EIF2S2: variants seen among roughly 807,000 people sequenced by gnomAD.
EIF2S2 encodes the protein eukaryotic translation initiation factor 2 subunit 2.
A neutral mutation model predicts 44.0 loss-of-function variants in EIF2S2; 4 were observed. That is an observed-to-expected ratio of 0.09 (90% confidence interval 0.04 to 0.21). EIF2S2 has a LOEUF of 0.21. Among genes scored for constraint, EIF2S2 ranks in the 10% least tolerant of loss-of-function variants. The pLI, the probability that EIF2S2 is intolerant of heterozygous loss-of-function variation, is 1.00. For synonymous variants in EIF2S2, 108 were observed against 128.3 expected (o/e 0.84, Z 1.07); for missense variants, 154 against 392.0 (o/e 0.39, Z 5.13).
At position 34,098,479 on chromosome 20, in the gene EIF2S2, G is replaced by C; in HGVS notation, c.433+19C>G. 1 of 1,611,682 alleles carries C rather than the reference G, an allele frequency of 6.2e-7. No individual in the cohort carries two copies. The highest frequency in any genetic ancestry group is 8.5e-7 in the Non-Finnish European group (1 of 1,179,462). ...GGCTTGAGTAACCTCTAAATGTGCT[G>C]CTGAGTCCTCAGCATTACCTTCATC... On this transcript the variant is annotated intron_variant, in intron 4 of 8. Transcript: ENST00000374980.
intron 8 of EIF2S2, among the ~76,000 whole-genome samples, 200 bp downstream of exon 8, chr20:34,090,317 T>C (rs1278824384): frequency 6.6e-6 from 1 of 152,240 alleles, no homozygotes; most frequent in African/African-American, 2.4e-5. Context: ...TCAGCTGGGC[T>C]TTCTTTAAAA....
chr20:34,098,435 CAAG>C (rs2034257183), intron 4 of EIF2S2, 60 bp downstream of exon 4: 1 of 1,587,644 alleles, frequency 6.3e-7, no homozygotes, highest in Non-Finnish European at 8.6e-7. Context: ...CCACCCCCAT[CAAG>C]GAGACCAGGG....
intron 2 of EIF2S2, among the ~76,000 whole-genome samples, chr20:34,104,782 A>T (rs1168684014): frequency 6.6e-6 from 1 of 152,232 alleles, no homozygotes; most frequent in Non-Finnish European, 1.5e-5. Context: ...GGAATGAGTT[A>T]CTTTCCAAAT....
At chr20:34,096,447 A>C (rs2034229850) in intron 6 of EIF2S2, among the ~76,000 whole-genome samples, 1 of 152,216 alleles carries the variant, frequency 6.6e-6, no homozygotes, top group Non-Finnish European at 1.5e-5. Flanking sequence ...CCTGGGCGAC[A>C]AAGCAAGACC....
At position 34,089,016 on chromosome 20, in the gene EIF2S2, C is replaced by T. The variant is rs1311381186; in HGVS notation, c.*714G>A. 2 of 152,540 alleles carry T rather than the reference C, an allele frequency of 1.3e-5. No individual in the cohort carries two copies. The highest frequency in any genetic ancestry group is 2.9e-5 in the Non-Finnish European group (2 of 68,038). 9.4% of individuals were successfully genotyped at this position (152,540 alleles called of 1,614,324 possible). ...AGGATCTTTTTTAGTGTGCCAGTTACAAGACACATTTACAGGCTATGTTTC... is the reference window on the plus strand; with the variant it reads ...AGGATCTTTTTTAGTGTGCCAGTTATAAGACACATTTACAGGCTATGTTTC... On this transcript the variant is annotated 3_prime_UTR_variant, in exon 9 of 9. Coordinates refer to ENST00000374980, the MANE Select transcript of EIF2S2 (RefSeq NM_003908.5).
At chr20:34,107,031 A>C (rs1469359649) in intron 1 of EIF2S2, among the ~76,000 whole-genome samples, 1 of 152,134 alleles carries the variant, frequency 6.6e-6, no homozygotes, top group Non-Finnish European at 1.5e-5. Flanking sequence ...AATACAAAAA[A>C]TTAGCAGAAG....
At chr20:34,105,681 C>T (rs773616652) in intron 1 of EIF2S2, 136 bp from the exon 2 acceptor site, 13 of 807,344 alleles carry the variant, frequency 1.6e-5, no homozygotes, top group Non-Finnish European at 2.2e-5. Flanking sequence ...GGGGAGTTTA[C>T]CAAAAAATAA....
In EIF2S2 at chr20:34,089,724, A is replaced by G. The variant is rs2034141430; in HGVS notation, c.*6T>C. 6.2e-7 allele frequency: 1 copy of G among 1,604,882 alleles called. No individual in the cohort carries two copies. Among genetic ancestry groups the G allele is most frequent in the Non-Finnish European group, 8.5e-7 (1 of 1,175,666 alleles). On this transcript the variant is annotated 3_prime_UTR_variant, in exon 9 of 9. Transcript: ENST00000374980. ...AACAAGCTTTGCAAAATCAGTGATT[A>G]GCAAATTAGTTAGCTTTGGCACGGA... is the stretch of plus-strand genomic sequence containing the variant.
At chr20:34,103,772 T>C (rs562712535) in intron 2 of EIF2S2, among the ~76,000 whole-genome samples, 1 of 151,898 alleles carries the variant, frequency 6.6e-6, no homozygotes, top group East Asian at 1.9e-4. Flanking sequence ...AGTGGCGCAA[T>C]CTCAGCTCAC....
chr20:34,109,806 A>C lies in EIF2S2; in HGVS notation c.15+2290T>G, dbSNP rs547275296. Among the ~76,000 whole-genome samples the C allele has an allele frequency of 7.9e-5, 12 of 152,142 alleles. No homozygotes were observed. The South Asian group carries it at 8.3e-4, about 11-fold the overall frequency. ...ATTTCAATTATACATCAAGAAAAAA[A>C]AAAAACAAAAACAGAAGGCTGGGCA... On this transcript the variant is annotated intron_variant, in intron 1 of 8. Coordinates refer to ENST00000374980, the MANE Select transcript of EIF2S2 (RefSeq NM_003908.5).
intron 7 of EIF2S2, among the ~76,000 whole-genome samples, chr20:34,091,863 G>C (rs1170542530): frequency 6.6e-6 from 1 of 151,158 alleles, no homozygotes; most frequent in Non-Finnish European, 1.5e-5. Flanking sequence ...GTCCGAGTGG[G>C]ACTCTCCTGG....
chr20:34,088,600 AGCT>A lies in EIF2S2; in HGVS notation c.*1127_*1129del, dbSNP rs1263704144. 6.6e-6 allele frequency: 1 copy of A among 152,664 alleles called. No individual in the cohort carries two copies. The highest frequency in any genetic ancestry group is 1.5e-5 in the Non-Finnish European group (1 of 68,066). The allele number at this position is 152,664 out of a possible 1,614,324, so 9.5% of individuals were successfully genotyped here. On this transcript the variant is annotated 3_prime_UTR_variant, in exon 9 of 9. Coordinates refer to ENST00000374980, the MANE Select transcript of EIF2S2 (RefSeq NM_003908.5). ...ATTTGGGTCTGAGTGACTGCTCCTGAGCTGCTTAGTACGAAGTCGGGCAACAAG... is the reference window on the plus strand; with the variant it reads ...ATTTGGGTCTGAGTGACTGCTCCTGAGCTTAGTACGAAGTCGGGCAACAAG...
intron 7 of EIF2S2, 36 bp from the exon 8 acceptor site, chr20:34,090,638 G>GT (rs534420591): frequency 1.4e-4 from 182 of 1,332,888 alleles, no homozygotes; most frequent in Non-Finnish European, 1.8e-4. Flanking sequence ...CATTATTATT[G>GT]TTTTTTCCTA....
chr20:34,089,927 G>A, intron 8 of EIF2S2, 22 bp from the exon 9 acceptor site: 1 of 1,612,040 alleles, frequency 6.2e-7, no homozygotes, highest in Admixed American at 1.7e-5. Context: ...GCAACACACA[G>A]AATTACCTGG....
At chr20:34,110,469 T>C (rs6087557) in intron 1 of EIF2S2, among the ~76,000 whole-genome samples, 94,103 of 152,082 alleles carry the variant, frequency 0.62, 30,508 homozygotes, top group South Asian at 0.85. Flanking sequence ...CCCTCGGCCC[T>C]GGTTTCCTGT....
At chr20:34,091,001 A>G (rs1313849612) in intron 7 of EIF2S2, among the ~76,000 whole-genome samples, 13 of 151,982 alleles carry the variant, frequency 8.6e-5, no homozygotes, top group African/African-American at 1.5e-4. Flanking sequence ...TCCTCCCACT[A>G]TGGCCTCCCA....
At chr20:34,090,742 T>C in intron 7 of EIF2S2, 140 bp from the exon 8 acceptor site, 1 of 467,098 alleles carries the variant, frequency 2.1e-6, no homozygotes, top group East Asian at 3.6e-5. Context: ...TACTACTTGG[T>C]TTCCCAAAAT....
At chr20:34,098,716 G>C (rs1405064630) in intron 3 of EIF2S2, 83 bp from the exon 4 acceptor site, 15 of 1,482,008 alleles carry the variant, frequency 1.0e-5, no homozygotes, top group Non-Finnish European at 1.4e-5. Context: ...GTTGAGATGA[G>C]GAGGTCTTGC....
In EIF2S2 at chr20:34,112,167, C is replaced by T; in HGVS notation, c.-57G>A. 6.7e-7 allele frequency: 1 copy of T among 1,498,716 alleles called. No homozygotes were observed. Among genetic ancestry groups the T allele is most frequent in the Non-Finnish European group, 9.0e-7 (1 of 1,115,232 alleles). The allele number at this position is 1,498,716 out of a possible 1,614,324, so 92.8% of individuals were successfully genotyped here. A position where few individuals can be genotyped will look rare whatever the true frequency, so the allele number is the denominator to read the frequency against. On this transcript the variant is annotated 5_prime_UTR_variant, in exon 1 of 9. Coordinates refer to ENST00000374980, the MANE Select transcript of EIF2S2 (RefSeq NM_003908.5). ...GGAAGTCAGACGGGTCAGCCCCAGG[C>T]CCCGGCGGCAGCGCTGCCCCTGCCG...
Sources: gnomAD v4.1 joint callset for allele counts (sites outside exome capture counted in the v4.1 genomes callset) on GRCh38, gnomAD v4.1.1 for gene constraint, MANE v1.5 for transcripts, NCBI Gene and HGNC (gene_info 2026-07-23, HGNC 2026-07-21) for gene names.